MYOM2: variants seen among roughly 807,000 people sequenced by gnomAD.
The protein encoded by MYOM2 is myomesin-2.
Under a neutral mutation model 187.6 loss-of-function variants are expected in MYOM2, and 254 were observed. The ratio of observed to expected loss-of-function variants is 1.35; its 90% CI spans 1.22 to 1.50. The LOEUF is 1.50. MYOM2 is among the 40% of genes most tolerant of loss of function. The pLI is 0.00. For missense variants in MYOM2, 2,796 were observed against 1,924.0 expected (o/e 1.45, Z -8.48); for synonymous variants, 981 against 753.8 (o/e 1.30, Z -4.94).
intron 13 of MYOM2, among the ~76,000 whole-genome samples, chr8:2,083,953 T>C (rs891760985): frequency 3.9e-5 from 6 of 152,230 alleles, no homozygotes; most frequent in South Asian, 2.1e-4. Flanking sequence ...GTTCCGAAAG[T>C]GTGAACGAGA....
chr8:2,081,529 G>A (rs916989588), intron 13 of MYOM2, among the ~76,000 whole-genome samples: 1 of 152,370 alleles, frequency 6.6e-6, no homozygotes, highest in Non-Finnish European at 1.5e-5. Context: ...GAGTGGATGT[G>A]TAGGAATCCA....
intron 8 of MYOM2, among the ~76,000 whole-genome samples, chr8:2,070,263 G>A (rs549919973): frequency 4.7e-4 from 71 of 152,366 alleles, no homozygotes; most frequent in African/African-American, 1.6e-3. Flanking sequence ...TGGAAGCACT[G>A]ATTTTACTGT....
At chr8:2,108,902 G>A in intron 24 of MYOM2, 72 bp downstream of exon 24, 1 of 1,445,802 alleles carries the variant, frequency 6.9e-7, no homozygotes, top group Non-Finnish European at 9.7e-7. Context: ...TAATGCATGA[G>A]CTCTTGGAAG....
At chr8:2,065,880 A>T (rs1268350910) in intron 6 of MYOM2, among the ~76,000 whole-genome samples, 1 of 152,202 alleles carries the variant, frequency 6.6e-6, no homozygotes, top group Non-Finnish European at 1.5e-5. Context: ...CTGACACCAC[A>T]GTTTAAAAAC....
At position 2,072,328 on chromosome 8, in the gene MYOM2, C is replaced by G; in HGVS notation, c.794-17C>G. The G allele has an allele frequency of 1.2e-6, 2 of 1,609,050 alleles. No homozygotes were observed. Among genetic ancestry groups the G allele is most frequent in the Non-Finnish European group, 1.7e-6 (2 of 1,178,938 alleles). Reference sequence around the variant, plus strand: ...CTCTGCCCTTCGGCCCTGAAAGCCTCCATCGTTTCTGTGCAGTGCCCCTGT... The same window carrying G: ...CTCTGCCCTTCGGCCCTGAAAGCCTGCATCGTTTCTGTGCAGTGCCCCTGT... On this transcript the variant is annotated splice_polypyrimidine_tract_variant and intron_variant, in intron 8 of 36. Coordinates refer to ENST00000262113, the MANE Select transcript of MYOM2 (RefSeq NM_003970.4).
intron 17 of MYOM2, among the ~76,000 whole-genome samples, chr8:2,095,706 T>C (rs1359486841): frequency 6.6e-6 from 1 of 152,178 alleles, no homozygotes; most frequent in East Asian, 1.9e-4. Flanking sequence ...GGCCCATCCG[T>C]TCTCGACCTG....
chr8:2,136,354 C>T (rs1264803669), intron 32 of MYOM2, among the ~76,000 whole-genome samples: 1 of 151,802 alleles, frequency 6.6e-6, no homozygotes, highest in Non-Finnish European at 1.5e-5. Context: ...GCAGCTGTGA[C>T]GGAGGTGGGG....
At chr8:2,089,941 C>G (rs900285491) in intron 14 of MYOM2, 67 bp from the exon 15 acceptor site, 1 of 1,486,488 alleles carries the variant, frequency 6.7e-7, no homozygotes, top group Non-Finnish European at 9.2e-7. Flanking sequence ...GCATTTCTTC[C>G]TCCTCCACAC....
At chr8:2,143,529 G>A (rs370100898) in intron 36 of MYOM2, 73 bp downstream of exon 36, 55 of 1,567,126 alleles carry the variant, frequency 3.5e-5, no homozygotes, top group African/African-American at 5.4e-5. Context: ...CTCTTGGGGC[G>A]GAGCAGAGGG....
intron 32 of MYOM2, among the ~76,000 whole-genome samples, chr8:2,135,752 T>C (rs1798046160): frequency 6.6e-6 from 1 of 152,208 alleles, no homozygotes; most frequent in Non-Finnish European, 1.5e-5. Context: ...TAAACAACAA[T>C]AATAATAATT....
At chr8:2,065,514 G>A (rs892769229) in intron 6 of MYOM2, among the ~76,000 whole-genome samples, 10 of 152,130 alleles carry the variant, frequency 6.6e-5, no homozygotes, top group Non-Finnish European at 2.9e-5. Flanking sequence ...AGGTTTCAGT[G>A]AGCCAAGATC....
chr8:2,068,363 C>T (rs1314687550), intron 6 of MYOM2, among the ~76,000 whole-genome samples: 3 of 148,304 alleles, frequency 2.0e-5, no homozygotes, highest in African/African-American at 5.1e-5. Context: ...TGCCCGTGTG[C>T]ACCAGGCGGA....
chr8:2,109,166 G>A (rs1445316856), intron 24 of MYOM2: 12 of 533,488 alleles, frequency 2.2e-5, no homozygotes, highest in South Asian at 1.5e-4. Context: ...TTTACTTATC[G>A]AACACATTTG....
At chr8:2,065,577 AAG>A (rs1818992109) in intron 6 of MYOM2, among the ~76,000 whole-genome samples, 1 of 152,256 alleles carries the variant, frequency 6.6e-6, no homozygotes, top group South Asian at 2.1e-4. Flanking sequence ...CTCAACAAAA[AAG>A]AGCCTCGGCA....
intron 8 of MYOM2, among the ~76,000 whole-genome samples, chr8:2,071,050 C>G (rs949129938): frequency 1.3e-5 from 2 of 152,170 alleles, no homozygotes; most frequent in Non-Finnish European, 2.9e-5. Context: ...TCACTGCAGC[C>G]TTGATCTCCC....
intron 35 of MYOM2, 92 bp downstream of exon 35, chr8:2,142,489 A>G: frequency 2.3e-6 from 3 of 1,302,300 alleles, no homozygotes; most frequent in East Asian, 4.6e-5. Flanking sequence ...TGTGTATTAA[A>G]TAATAACCAG....
At chr8:2,060,605 G>T (rs949909311) in intron 6 of MYOM2, among the ~76,000 whole-genome samples, 1 of 152,110 alleles carries the variant, frequency 6.6e-6, no homozygotes, top group Non-Finnish European at 1.5e-5. Flanking sequence ...ATCATTGTTA[G>T]GCCTCTGTTC....
At position 2,078,911 on chromosome 8, in the gene MYOM2, C is replaced by G; in HGVS notation, c.1440C>G (p.Pro480=). 1 of 1,613,952 alleles carries G rather than the reference C, an allele frequency of 6.2e-7. No homozygotes were observed. The highest frequency in any genetic ancestry group is 8.5e-7 in the Non-Finnish European group (1 of 1,179,860). Reference sequence around the variant, plus strand: ...CTGATGCGGTGGCTGCACTTGACCCCTTGGACCTCAGAAGGTTACAAGGTA... The same window carrying G: ...CTGATGCGGTGGCTGCACTTGACCCGTTGGACCTCAGAAGGTTACAAGGTA... ...RVSDAVAALD[P]LDLRRLQAVH... Residue 480 remains proline (P), a synonymous_variant, in exon 12 of 37, where the codon CCC becomes CCG. Transcript: ENST00000262113.
chr8:2,116,931 C>T (rs1248757803), intron 27 of MYOM2, among the ~76,000 whole-genome samples: 9 of 86,236 alleles, frequency 1.0e-4, no homozygotes, highest in African/African-American at 4.4e-4. Context: ...TTAATTTTTT[C>T]TGTATTTTTA....
Sources: gnomAD v4.1 joint callset for allele counts (sites outside exome capture counted in the v4.1 genomes callset) on GRCh38, gnomAD v4.1.1 for gene constraint, MANE v1.5 for transcripts, NCBI Gene and HGNC (gene_info 2026-07-23, HGNC 2026-07-21) for gene names.